The following EPHB1 variants were observed in gnomAD, a reference collection of about 807,000 sequenced individuals.
EPHB1 encodes EPH receptor B1.
Under a neutral mutation model 94.4 loss-of-function variants are expected in EPHB1, and 30 were observed. The ratio of observed to expected loss-of-function variants is 0.32; its 90% CI spans 0.24 to 0.43. EPHB1 has a LOEUF of 0.43. Ranked by LOEUF, EPHB1 falls within the 20% of genes least tolerant of loss-of-function variation. The pLI, the probability that EPHB1 is intolerant of heterozygous loss-of-function variation, is 1.00. For missense variants in EPHB1, 1,055 were observed against 1,308.3 expected (o/e 0.81, Z 2.99); for synonymous variants, 522 against 489.1 (o/e 1.07, Z -0.89).
chr3:135,128,555 C>G (rs140697413), intron 4 of EPHB1, among the ~76,000 whole-genome samples: 2 of 152,198 alleles, frequency 1.3e-5, no homozygotes, highest in African/African-American at 2.4e-5. Flanking sequence ...AGCCCTGGAG[C>G]GGGCCTCATG....
intron 1 of EPHB1, among the ~76,000 whole-genome samples, chr3:134,898,439 C>T (rs1258749297): frequency 1.3e-5 from 2 of 152,116 alleles, no homozygotes; most frequent in Non-Finnish European, 2.9e-5. Context: ...CTTTTTCTGA[C>T]CCTGTCATCT....
chr3:134,795,805 C>T (rs1418913542), intron 1 of EPHB1, 116 bp downstream of exon 1: 1 of 1,189,650 alleles, frequency 8.4e-7, no homozygotes, highest in African/African-American at 1.6e-5. Context: ...TCCCGGGACC[C>T]GAGGGCAAGG....
At chr3:135,256,922 ATTC>A (rs1209597709) in intron 15 of EPHB1, among the ~76,000 whole-genome samples, 2 of 146,242 alleles carry the variant, frequency 1.4e-5, no homozygotes, top group Admixed American at 6.8e-5. Context: ...ATTTCTTTTT[ATTC>A]TTTTTTCTCT....
intron 4 of EPHB1, among the ~76,000 whole-genome samples, chr3:135,121,387 A>G (rs555219753): frequency 3.9e-5 from 6 of 152,366 alleles, no homozygotes; most frequent in East Asian, 1.9e-4. Flanking sequence ...TGGGTGGTTC[A>G]GGGCCTGAGT....
At chr3:134,995,924 T>C (rs1261171736) in intron 3 of EPHB1, among the ~76,000 whole-genome samples, 1 of 149,904 alleles carries the variant, frequency 6.7e-6, no homozygotes, top group Non-Finnish European at 1.5e-5. Context: ...TAACTACTAC[T>C]AATATATTGG....
chr3:134,927,150 C>T (rs1030946196), intron 2 of EPHB1, among the ~76,000 whole-genome samples: 1 of 152,222 alleles, frequency 6.6e-6, no homozygotes, highest in Non-Finnish European at 1.5e-5. Context: ...CCTGTAACCT[C>T]TATGCCCCAT....
intron 1 of EPHB1, among the ~76,000 whole-genome samples, chr3:134,875,797 C>T (rs974923752): frequency 5.3e-5 from 8 of 152,230 alleles, no homozygotes; most frequent in Non-Finnish European, 7.4e-5. Flanking sequence ...TTAAAGACAT[C>T]CCAAATAGAA....
intron 3 of EPHB1, among the ~76,000 whole-genome samples, chr3:135,036,944 G>A (rs1936664625): frequency 6.6e-6 from 1 of 152,020 alleles, no homozygotes; most frequent in African/African-American, 2.4e-5. Context: ...TGATTGATTC[G>A]GGCAGCCAAG....
Position 134,924,868 on chromosome 3 carries a change from G to A in EPHB1, c.59-948G>A, listed in dbSNP as rs377005351. Among the ~76,000 whole-genome samples the A allele has an allele frequency of 4.6e-5, 7 of 152,342 alleles. No individual in the cohort carries two copies. The East Asian group carries it at 7.7e-4, about 17-fold the overall frequency. ...GAGAAAATGCCATTTATTCTACAGT[G>A]ACAGAAAGCAGATGAGTCATTACCT... is the stretch of plus-strand genomic sequence containing the variant. On this transcript the variant is annotated intron_variant, in intron 1 of 15. Transcript: ENST00000398015.
chr3:134,955,661 A>T (rs1282205287), intron 3 of EPHB1, among the ~76,000 whole-genome samples: 1 of 40,416 alleles, frequency 2.5e-5, no homozygotes, highest in Non-Finnish European at 4.8e-5. Flanking sequence ...TGCTATAAAG[A>T]CACATGCACA....
chr3:135,176,771 T>C, intron 9 of EPHB1, among the ~76,000 whole-genome samples: 1 of 152,212 alleles, frequency 6.6e-6, no homozygotes, highest in Middle Eastern at 3.2e-3. Flanking sequence ...CAGAATCCTT[T>C]CCCATTCATC....
rs181884262 is a variant in EPHB1, at chr3:135,208,073, G to A, written c.2346+6384G>A. Among the ~76,000 whole-genome samples the A allele has an allele frequency of 1.7e-3, 255 of 152,298 alleles. 1 individual carries two copies. Among genetic ancestry groups the A allele is most frequent in the African/African-American group, 5.5e-3 (230 of 41,574 alleles). ...CTACAGCATTCTGCCCCAACTAAAT[G>A]TGGCAGGTCGGACTTCAGAGGCAGA... On this transcript the variant is annotated intron_variant, in intron 12 of 15. Coordinates refer to ENST00000398015, the MANE Select transcript of EPHB1 (RefSeq NM_004441.5).
chr3:134,900,395 G>A (rs1437511422), intron 1 of EPHB1, among the ~76,000 whole-genome samples: 1 of 152,138 alleles, frequency 6.6e-6, no homozygotes, highest in Admixed American at 6.5e-5. Context: ...TTTGGAACCA[G>A]GAATAAATAG....
At chr3:134,986,656 A>G (rs1221475559) in intron 3 of EPHB1, among the ~76,000 whole-genome samples, 4 of 151,922 alleles carry the variant, frequency 2.6e-5, no homozygotes, top group African/African-American at 9.7e-5. Context: ...TTTGCGGCCA[A>G]AAATGTTCTC....
At chr3:135,076,784 A>C (rs1270195639) in intron 3 of EPHB1, among the ~76,000 whole-genome samples, 5 of 152,262 alleles carry the variant, frequency 3.3e-5, no homozygotes, top group Non-Finnish European at 5.9e-5. Flanking sequence ...AAATACTGAC[A>C]CACATTACAC....
At chr3:134,974,940 C>G (rs1286305245) in intron 3 of EPHB1, among the ~76,000 whole-genome samples, 1 of 152,180 alleles carries the variant, frequency 6.6e-6, no homozygotes, top group Non-Finnish European at 1.5e-5. Flanking sequence ...CTGCTCTCCT[C>G]TCCCCTCCCT....
chr3:135,251,744 G>A (rs1933109252), intron 15 of EPHB1, among the ~76,000 whole-genome samples: 1 of 152,188 alleles, frequency 6.6e-6, no homozygotes, highest in Admixed American at 6.5e-5. Context: ...AGCTGAAAAG[G>A]GCATGGTGTG....
chr3:134,967,009 CT>C (rs1214112689), intron 3 of EPHB1, among the ~76,000 whole-genome samples: 1 of 152,204 alleles, frequency 6.6e-6, no homozygotes, highest in Non-Finnish European at 1.5e-5. Flanking sequence ...CTGCCTTGTC[CT>C]TTATTCAACC....
intron 1 of EPHB1, 114 bp downstream of exon 1, chr3:134,795,803 C>T: frequency 8.3e-7 from 1 of 1,205,072 alleles, no homozygotes; most frequent in South Asian, 1.3e-5. Flanking sequence ...CATCCCGGGA[C>T]CCGAGGGCAA....
Sources: gnomAD v4.1 joint callset for allele counts (sites outside exome capture counted in the v4.1 genomes callset) on GRCh38, gnomAD v4.1.1 for gene constraint, MANE v1.5 for transcripts, NCBI Gene and HGNC (gene_info 2026-07-23, HGNC 2026-07-21) for gene names.